Variants in FRK observed in about 807,000 individuals in gnomAD.
The protein encoded by FRK is tyrosine-protein kinase FRK.
In FRK, 51 loss-of-function variants were observed where a neutral mutation model predicts 56.4. That is an observed-to-expected ratio of 0.90 (90% CI 0.72 to 1.14). The LOEUF is 1.14. Among genes scored for constraint, FRK ranks in the 50% most tolerant of loss-of-function variants. The pLI is 0.00. For missense variants in FRK, 570 were observed against 601.4 expected (o/e 0.95, Z 0.55); for synonymous variants, 245 against 217.9 (o/e 1.12, Z -1.10).
chr6:115,973,146 T>C (rs1011134799), intron 2 of FRK, among the ~76,000 whole-genome samples: 4 of 152,210 alleles, frequency 2.6e-5, no homozygotes, highest in African/African-American at 7.2e-5. Context: ...CCTTGCACTC[T>C]GATTTGTCAA....
At chr6:115,987,705 GC>G (rs1213033687) in intron 2 of FRK, among the ~76,000 whole-genome samples, 1 of 152,002 alleles carries the variant, frequency 6.6e-6, no homozygotes, top group Admixed American at 6.6e-5. Flanking sequence ...TGTATCGCTT[GC>G]CATTTAGTCC....
rs1772076632 is a variant in FRK, at chr6:115,937,675, TC to T, written c.*4738del. On this transcript the variant is annotated 3_prime_UTR_variant, in exon 8 of 8. Transcript: ENST00000606080. The stretch of plus-strand genomic sequence containing the variant: ...CAGAAAAAAAAAGCAGGGGTTGCAA[TC>T]CTAGTCTCTGATAAAACAGACTTTA... 6.6e-6 allele frequency: 1 copy of T among 152,038 alleles called. No individual in the cohort carries two copies. Among genetic ancestry groups the T allele is most frequent in the African/African-American group, 2.4e-5 (1 of 41,388 alleles). 9.4% of individuals were successfully genotyped at this position (152,038 alleles called of 1,614,324 possible). A position where few individuals can be genotyped will look rare whatever the true frequency, so the allele number is the denominator to read the frequency against.
chr6:116,090,302 C>T, the FRK span, among the ~76,000 whole-genome samples: 1 of 152,164 alleles, frequency 6.6e-6, no homozygotes, highest in African/African-American at 2.4e-5. Flanking sequence ...GAGAAAACAG[C>T]TTTGCAGGGT....
intron 1 of FRK, among the ~76,000 whole-genome samples, chr6:116,039,943 TAAAAA>T (rs1170576390): frequency 1.9e-5 from 2 of 105,784 alleles, no homozygotes; most frequent in Non-Finnish European, 4.0e-5. Flanking sequence ...CACCTGGCAC[TAAAAA>T]AAAAAAAAAA....
intron 6 of FRK, 40 bp downstream of exon 6, chr6:115,944,204 G>T: frequency 1.3e-6 from 2 of 1,510,938 alleles, no homozygotes; most frequent in South Asian, 2.4e-5. Context: ...TTAGACTTTT[G>T]ACCTATTACA....
At chr6:116,086,001 C>T in the FRK span, among the ~76,000 whole-genome samples, 93 of 152,068 alleles carry the variant, frequency 6.1e-4, no homozygotes, top group Admixed American at 1.2e-3. Flanking sequence ...GTTTGAATGT[C>T]CAAATGACTT....
At chr6:116,064,570 G>A (rs180673588), upstream of FRK, among the ~76,000 whole-genome samples, 155 of 152,246 alleles carry the variant, frequency 1.0e-3, no homozygotes, top group African/African-American at 3.5e-3. Context: ...TGTGAAAAGA[G>A]CCAGGAGCAC....
chr6:115,983,364 G>T lies in FRK; in HGVS notation c.467-14625C>A, dbSNP rs76252583. Among the ~76,000 whole-genome samples the T allele has an allele frequency of 5.8e-3, 888 of 152,184 alleles. 4 individuals carry two copies. The highest frequency in any genetic ancestry group is 0.02 in the African/African-American group (839 of 41,506). On this transcript the variant is annotated intron_variant, in intron 2 of 7. Transcript: ENST00000606080. ...AAGCACTTTTAGGCAGCTATCACAA[G>T]GCACTGCTCACAGCTCCAAAAGCAA...
chr6:115,979,906 A>T (rs556117147), intron 2 of FRK, among the ~76,000 whole-genome samples: 2 of 152,270 alleles, frequency 1.3e-5, no homozygotes, highest in East Asian at 3.9e-4. Context: ...TACACTTGGT[A>T]ATGTCCACAC....
At chr6:116,006,434 G>C (rs749382286) in intron 1 of FRK, among the ~76,000 whole-genome samples, 3 of 152,160 alleles carry the variant, frequency 2.0e-5, no homozygotes, top group Non-Finnish European at 4.4e-5. Context: ...GTGGTAGTAC[G>C]ATTTGGTACA....
At chr6:116,072,549 A>ACG in the FRK span, among the ~76,000 whole-genome samples, 5 of 143,946 alleles carry the variant, frequency 3.5e-5, no homozygotes, top group South Asian at 1.1e-3. Context: ...ACACACACAC[A>ACG]CACACACACA....
At chr6:116,025,273 G>A (rs527388392) in intron 1 of FRK, among the ~76,000 whole-genome samples, 1 of 152,220 alleles carries the variant, frequency 6.6e-6, no homozygotes, top group Non-Finnish European at 1.5e-5. Flanking sequence ...TCTAATTCTG[G>A]AATCCAGAAA....
chr6:115,932,815 CCA>C lies in FRK; in HGVS notation c.*9597_*9598del, dbSNP rs1271722169. 1 of 152,252 alleles carries C rather than the reference CCA, an allele frequency of 6.6e-6. No individual in the cohort carries two copies. The highest frequency in any genetic ancestry group is 1.5e-5 in the Non-Finnish European group (1 of 68,074). 9.4% of individuals were successfully genotyped at this position (152,252 alleles called of 1,614,324 possible). A position where few individuals can be genotyped will look rare whatever the true frequency, so the allele number is the denominator to read the frequency against. ...AATGGCAACAGTTTCCTTTAGGCCT[CCA>C]CAGAGTCGGAAGAGTTTGGGCCCCT... On this transcript the variant is annotated 3_prime_UTR_variant, in exon 8 of 8. Coordinates refer to ENST00000606080, the MANE Select transcript of FRK (RefSeq NM_002031.3).
At chr6:115,953,370 T>C (rs1424802487) in intron 5 of FRK, among the ~76,000 whole-genome samples, 1 of 151,110 alleles carries the variant, frequency 6.6e-6, no homozygotes, top group Admixed American at 6.6e-5. Context: ...TTTGTATTTT[T>C]AGTAGAGACG....
chr6:116,017,978 T>C (rs776889021), intron 1 of FRK, among the ~76,000 whole-genome samples: 7 of 152,130 alleles, frequency 4.6e-5, no homozygotes, highest in Admixed American at 2.6e-4. Context: ...GAGCAAAGCT[T>C]TAAGTACAAT....
chr6:116,045,329 A>G (rs1582752491), intron 1 of FRK, among the ~76,000 whole-genome samples: 1 of 152,358 alleles, frequency 6.6e-6, no homozygotes, highest in East Asian at 1.9e-4. Flanking sequence ...CCTGACTTCA[A>G]ACTATACTAC....
the FRK span, among the ~76,000 whole-genome samples, chr6:116,097,202 A>C: frequency 6.6e-6 from 1 of 152,250 alleles, no homozygotes; most frequent in Non-Finnish European, 1.5e-5. Context: ...ATAATATTAC[A>C]AATAAGTATT....
intron 4 of FRK, among the ~76,000 whole-genome samples, chr6:115,958,653 A>AAAGAAAG (rs1773127515): frequency 9.9e-4 from 3 of 3,034 alleles, no homozygotes; most frequent in African/African-American, 4.3e-3. Flanking sequence ...GAAAAGAAAG[A>AAAGAAAG]AAGAAAGAAA....
chr6:116,059,810 G>A lies in FRK; in HGVS notation c.344+158C>T, dbSNP rs76043006. Among the ~76,000 whole-genome samples, 519 of 152,264 alleles carry A rather than the reference G, an allele frequency of 3.4e-3. 6 individuals carry two copies. Among genetic ancestry groups the A allele is most frequent in the African/African-American group, 0.012 (501 of 41,546 alleles). ...CTGGCCAGTTTCACACTCACTTAGC[G>A]GGGGAGGTGTGTTTCAATTAGTGGT... is the stretch of plus-strand genomic sequence containing the variant. On this transcript the variant is annotated intron_variant, in intron 1 of 7. Coordinates refer to ENST00000606080, the MANE Select transcript of FRK (RefSeq NM_002031.3).
Sources: gnomAD v4.1 joint callset for allele counts (sites outside exome capture counted in the v4.1 genomes callset) on GRCh38, gnomAD v4.1.1 for gene constraint, MANE v1.5 for transcripts, NCBI Gene and HGNC (gene_info 2026-07-23, HGNC 2026-07-21) for gene names.